Variants in DAB1 observed in about 807,000 individuals in gnomAD.
DAB1 encodes the protein disabled homolog 1.
Under a neutral mutation model 64.6 loss-of-function variants are expected in DAB1, and 15 were observed. The observed-to-expected ratio is 0.23, with a 90% CI of 0.16 to 0.36. The LOEUF (loss-of-function observed/expected upper bound fraction) is 0.36, where lower values mean the gene tolerates loss of function less well. Among genes scored for constraint, DAB1 ranks in the 10% least tolerant of loss-of-function variants. The pLI is 1.00. For missense variants in DAB1, 596 were observed against 706.7 expected (o/e 0.84, Z 1.78); for synonymous variants, 235 against 251.9 (o/e 0.93, Z 0.64).
chr1:57,947,164 G>T (rs771101894), intron 5 of DAB1, among the ~76,000 whole-genome samples: 4 of 152,058 alleles, frequency 2.6e-5, no homozygotes, highest in Non-Finnish European at 5.9e-5. Flanking sequence ...AAAGTAACTT[G>T]CCCAGGACCT....
chr1:57,858,281 TG>T (rs1486476279), intron 1 of DAB1, among the ~76,000 whole-genome samples: 1 of 152,186 alleles, frequency 6.6e-6, no homozygotes, highest in Non-Finnish European at 1.5e-5. Context: ...TGGCTCCATA[TG>T]ATAAAATAGC....
At chr1:58,113,482 A>G (rs1217274559) in intron 5 of DAB1, among the ~76,000 whole-genome samples, 1 of 152,158 alleles carries the variant, frequency 6.6e-6, no homozygotes, top group Non-Finnish European at 1.5e-5. Context: ...CCACTCTGCC[A>G]TCATAAAAGT....
intron 2 of DAB1, among the ~76,000 whole-genome samples, chr1:57,191,565 T>G (rs909368092): frequency 2.0e-5 from 3 of 152,118 alleles, no homozygotes; most frequent in Admixed American, 6.6e-5. Context: ...CCGCTCCCCT[T>G]TCCCTCCTTG....
intron 5 of DAB1, among the ~76,000 whole-genome samples, chr1:58,107,386 G>A (rs541258917): frequency 1.0e-4 from 15 of 150,424 alleles, no homozygotes; most frequent in South Asian, 2.1e-4. Context: ...CAGGAGAATC[G>A]CTTGAATCCA....
chr1:57,455,832 T>C (rs776767499), intron 7 of DAB1, among the ~76,000 whole-genome samples: 1 of 152,040 alleles, frequency 6.6e-6, no homozygotes, highest in South Asian at 2.1e-4. Context: ...GAACTTAGAG[T>C]TGGAAGAAAA....
intron 7 of DAB1, among the ~76,000 whole-genome samples, chr1:57,477,466 T>C (rs1205123665): frequency 6.6e-6 from 1 of 152,188 alleles, no homozygotes; most frequent in Non-Finnish European, 1.5e-5. Flanking sequence ...GAAAGGGCCA[T>C]TATAAGTTTG....
At chr1:57,682,865 C>T (rs1020091943) in intron 6 of DAB1, among the ~76,000 whole-genome samples, 3 of 152,190 alleles carry the variant, frequency 2.0e-5, no homozygotes, top group Non-Finnish European at 4.4e-5. Flanking sequence ...AGCTTTCCTG[C>T]AGGACTGGGA....
intron 2 of DAB1, among the ~76,000 whole-genome samples, chr1:57,259,924 AAG>A (rs1349689444): frequency 1.3e-5 from 2 of 152,200 alleles, no homozygotes; most frequent in Non-Finnish European, 2.9e-5. Context: ...TTTTCTGAGG[AAG>A]AGAGATTTTT....
chr1:57,536,636 T>C (rs1475487014), intron 7 of DAB1, among the ~76,000 whole-genome samples: 2 of 151,588 alleles, frequency 1.3e-5, no homozygotes, highest in Non-Finnish European at 2.9e-5. Context: ...TTGAGTGAAT[T>C]TGAAGTCCTT....
At chr1:57,768,732 T>C (rs1404103607) in intron 6 of DAB1, among the ~76,000 whole-genome samples, 1 of 152,036 alleles carries the variant, frequency 6.6e-6, no homozygotes, top group Non-Finnish European at 1.5e-5. Flanking sequence ...GTGTACAGCT[T>C]CTTGTGCCCC....
At chr1:57,491,300 C>A (rs534871492) in intron 7 of DAB1, among the ~76,000 whole-genome samples, 4 of 151,604 alleles carry the variant, frequency 2.6e-5, no homozygotes, top group Non-Finnish European at 5.9e-5. Flanking sequence ...TGGTGGCAGG[C>A]GCCTGTAGTC....
chr1:57,804,915 T>C (rs1366009274), intron 6 of DAB1, among the ~76,000 whole-genome samples: 1 of 152,250 alleles, frequency 6.6e-6, no homozygotes, highest in Non-Finnish European at 1.5e-5. Context: ...TGGAGATTTG[T>C]ATTTTTTGTT....
chr1:57,390,213 T>C (rs1682229684), intron 1 of DAB1, among the ~76,000 whole-genome samples: 1 of 151,410 alleles, frequency 6.6e-6, no homozygotes, highest in Non-Finnish European at 1.5e-5. Context: ...TTGATCAGGA[T>C]GAAAAGAATA....
chr1:57,080,843 G>A (rs774766272), intron 4 of DAB1, among the ~76,000 whole-genome samples: 4 of 152,116 alleles, frequency 2.6e-5, no homozygotes, highest in Non-Finnish European at 5.9e-5. Context: ...TCTATGTCCT[G>A]TGATTAAGGA....
At chr1:57,302,187 C>G (rs112591221) in intron 1 of DAB1, among the ~76,000 whole-genome samples, 3,380 of 152,248 alleles carry the variant, frequency 0.022, 127 homozygotes, top group African/African-American at 0.077. Flanking sequence ...GACAAAAAAG[C>G]ACACGCAACA....
rs139242996 is a variant in DAB1, at chr1:57,939,234, A to C, written n.388-55072T>G. Among the ~76,000 whole-genome samples, 226 of 152,182 alleles carry C rather than the reference A, an allele frequency of 1.5e-3. 1 individual carries two copies. The highest frequency in any genetic ancestry group is 4.8e-3 in the South Asian group (23 of 4,824). ...CATGCTCTGGTCTCTCTGTCCCCTT[A>C]TGAGGGCACTAATCCCATTTGTGGA... On this transcript the variant is annotated intron_variant and non_coding_transcript_variant, in intron 5 of 20. Transcript: ENST00000485760.
At chr1:57,744,272 G>A (rs1048047274) in intron 6 of DAB1, among the ~76,000 whole-genome samples, 1 of 152,186 alleles carries the variant, frequency 6.6e-6, no homozygotes, top group African/African-American at 2.4e-5. Context: ...TTAGCCTAAA[G>A]ATACCTCTGG....
At chr1:57,200,860 G>C (rs1416296432) in intron 2 of DAB1, among the ~76,000 whole-genome samples, 1 of 152,200 alleles carries the variant, frequency 6.6e-6, no homozygotes, top group East Asian at 1.9e-4. Context: ...ATCATCAAAA[G>C]AAGCTACCTG....
intron 7 of DAB1, among the ~76,000 whole-genome samples, chr1:57,477,033 T>C (rs1165699140): frequency 6.6e-6 from 1 of 152,190 alleles, no homozygotes; most frequent in Non-Finnish European, 1.5e-5. Context: ...ATATAATATC[T>C]AAAGCATGTA....
Sources: allele counts gnomAD v4.1 joint callset (sites outside exome capture counted in the v4.1 genomes callset), GRCh38; gene constraint gnomAD v4.1.1; transcripts MANE v1.5; gene names NCBI Gene and HGNC (gene_info 2026-07-23, HGNC 2026-07-21).